Variants in MEI4 observed in about 807,000 individuals in gnomAD.
MEI4 encodes the protein meiotic double-stranded break formation protein 4, also known as meiosis-specific protein MEI4.
In MEI4, 27 loss-of-function variants were observed where a neutral mutation model predicts 31.4. The ratio of observed to expected loss-of-function variants is 0.86; its 90% CI spans 0.63 to 1.19. The LOEUF is 1.19. MEI4 is among the 50% of genes most tolerant of loss of function. The probability of loss-of-function intolerance (pLI) is 0.00; values close to 1 mark genes in which losing one functional copy is unlikely to be tolerated. For synonymous variants in MEI4, 122 were observed against 145.4 expected (o/e 0.84, Z 1.16); for missense variants, 329 against 398.9 (o/e 0.82, Z 1.49).
intron 4 of MEI4, among the ~76,000 whole-genome samples, chr6:77,832,024 A>C (rs1168699231): frequency 1.3e-5 from 2 of 152,032 alleles, no homozygotes; most frequent in Non-Finnish European, 2.9e-5. Flanking sequence ...AAAATATCCC[A>C]TTTATCCCCA....
intron 1 of MEI4, among the ~76,000 whole-genome samples, chr6:77,679,262 C>T (rs893118170): frequency 6.6e-6 from 1 of 152,176 alleles, no homozygotes; most frequent in Non-Finnish European, 1.5e-5. Context: ...CTCATGGACT[C>T]ACCCAGAACA....
intron 4 of MEI4, among the ~76,000 whole-genome samples, chr6:77,886,435 G>GTTTTT (rs751562893): frequency 1.4e-4 from 6 of 41,770 alleles, no homozygotes; most frequent in South Asian, 5.2e-4. Context: ...TTCCAGTTTT[G>GTTTTT]TTTTTTTTTT....
At chr6:77,893,909 C>T (rs75583244) in intron 4 of MEI4, among the ~76,000 whole-genome samples, 2,760 of 152,044 alleles carry the variant, frequency 0.018, 83 homozygotes, top group African/African-American at 0.063. Flanking sequence ...ACATATGAAC[C>T]TTCCTTAAAA....
intron 4 of MEI4, among the ~76,000 whole-genome samples, chr6:77,859,716 G>A (rs371038085): frequency 1.1e-4 from 16 of 152,062 alleles, no homozygotes; most frequent in East Asian, 5.8e-4. Flanking sequence ...GGGGCTACTC[G>A]TGCATATTAA....
chr6:77,697,121 A>G (rs1766069321), intron 2 of MEI4, among the ~76,000 whole-genome samples: 1 of 152,144 alleles, frequency 6.6e-6, no homozygotes, highest in African/African-American at 2.4e-5. Flanking sequence ...TATTCCCGTT[A>G]TCATTTTTTA....
intron 4 of MEI4, among the ~76,000 whole-genome samples, chr6:77,913,924 C>A (rs545814544): frequency 1.2e-4 from 18 of 151,404 alleles, no homozygotes; most frequent in Non-Finnish European, 2.2e-4. Flanking sequence ...GTCCCAGCTA[C>A]TCCAGAGGCT....
At chr6:77,864,668 T>A (rs931765360) in intron 4 of MEI4, among the ~76,000 whole-genome samples, 2 of 152,136 alleles carry the variant, frequency 1.3e-5, no homozygotes, top group Admixed American at 6.5e-5. Context: ...ATTAGACAGA[T>A]CAATGAGACA....
chr6:77,819,724 C>T (rs1024250401), intron 3 of MEI4, among the ~76,000 whole-genome samples: 1 of 151,904 alleles, frequency 6.6e-6, no homozygotes, highest in African/African-American at 2.4e-5. Context: ...TAATAAAGGC[C>T]TTTCTTTTTA....
rs144672794 is a variant in MEI4, at chr6:77,834,505, T to C, written c.900+5443T>C. ...TAATTTTGAGGCAGAGCTCCTTTTGTGGGGGCACTAGCTGCGGGGGGTCTG... is the reference window on the plus strand; with the variant it reads ...TAATTTTGAGGCAGAGCTCCTTTTGCGGGGGCACTAGCTGCGGGGGGTCTG... On this transcript the variant is annotated intron_variant, in intron 4 of 4. Coordinates refer to ENST00000684080, the MANE Select transcript of MEI4 (RefSeq NM_001322247.2). Among the ~76,000 whole-genome samples, 210 of 151,160 alleles carry C rather than the reference T, an allele frequency of 1.4e-3. 1 individual carries two copies. Among genetic ancestry groups the C allele is most frequent in the African/African-American group, 4.4e-3 (184 of 41,350 alleles).
intron 2 of MEI4, among the ~76,000 whole-genome samples, chr6:77,739,522 T>A (rs764043748): frequency 4.6e-5 from 7 of 151,936 alleles, no homozygotes; most frequent in African/African-American, 7.3e-5. Flanking sequence ...AGTTGAACAA[T>A]GAGAACCTGT....
At chr6:77,661,162 C>CT (rs1337130856) in intron 1 of MEI4, among the ~76,000 whole-genome samples, 1 of 152,098 alleles carries the variant, frequency 6.6e-6, no homozygotes, top group African/African-American at 2.4e-5. Flanking sequence ...CTGTCCAATC[C>CT]TTTTTAAGTT....
intron 2 of MEI4, among the ~76,000 whole-genome samples, chr6:77,735,788 A>G (rs544016414): frequency 3.9e-4 from 59 of 152,036 alleles, no homozygotes; most frequent in Non-Finnish European, 5.4e-4. Flanking sequence ...GTCTTTGATG[A>G]TGGTGACGTA....
At position 77,847,464 on chromosome 6, in the gene MEI4, G is replaced by A. The variant is rs151212663; in HGVS notation, c.900+18402G>A. On this transcript the variant is annotated intron_variant, in intron 4 of 4. Transcript: ENST00000684080. This position sits in a 1 kb window ranked among gnomAD's most constrained non-coding sequence, Gnocchi z 4.6. ...GAGGTCTATCAGTCACTGAAAAGAA[G>A]TCAGCAGAGTCATTTCAGTGTCATG... is the stretch of plus-strand genomic sequence containing the variant. Among the ~76,000 whole-genome samples, 100 of 152,240 alleles carry A rather than the reference G, an allele frequency of 6.6e-4. 2 individuals carry two copies. Among genetic ancestry groups the A allele is most frequent in the Middle Eastern group, 3.4e-3 (1 of 294 alleles).
chr6:77,804,991 G>A (rs1769390676), intron 3 of MEI4, among the ~76,000 whole-genome samples: 1 of 152,138 alleles, frequency 6.6e-6, no homozygotes, highest in African/African-American at 2.4e-5. Flanking sequence ...TTTGGCATAT[G>A]CCATTTTAAC....
At chr6:77,746,638 C>CGTGTGT (rs5877568) in intron 2 of MEI4, among the ~76,000 whole-genome samples, 1,672 of 136,626 alleles carry the variant, frequency 0.012, 5 homozygotes, top group East Asian at 0.019. Flanking sequence ...AAATATATGG[C>CGTGTGT]GTGTGTGTGT....
At chr6:77,665,118 G>A (rs993752379) in intron 1 of MEI4, among the ~76,000 whole-genome samples, 6 of 151,822 alleles carry the variant, frequency 4.0e-5, no homozygotes, top group African/African-American at 1.5e-4. Flanking sequence ...TTGGGGCGCA[G>A]AGATAAGAGG....
At chr6:77,892,274 C>G (rs546763828) in intron 4 of MEI4, among the ~76,000 whole-genome samples, 1 of 152,290 alleles carries the variant, frequency 6.6e-6, no homozygotes, top group African/African-American at 2.4e-5. Context: ...TTTCCTCAGG[C>G]TTCCCTGTTG....
At chr6:77,663,693 G>A (rs188861478) in intron 1 of MEI4, among the ~76,000 whole-genome samples, 3 of 152,300 alleles carry the variant, frequency 2.0e-5, no homozygotes, top group Admixed American at 1.3e-4. Context: ...AGAATGTAAT[G>A]TGGAGTGGGT....
chr6:77,922,109 G>A (rs369312078), intron 4 of MEI4, among the ~76,000 whole-genome samples: 15 of 151,768 alleles, frequency 9.9e-5, no homozygotes, highest in African/African-American at 2.9e-4. Context: ...AGGTATGCCT[G>A]TATATATCTT....
Sources: gnomAD v4.1 joint callset for allele counts (sites outside exome capture counted in the v4.1 genomes callset) on GRCh38, gnomAD v4.1.1 for gene constraint, Gnocchi (gnomAD v3.1) non-coding constraint, MANE v1.5 for transcripts, NCBI Gene and HGNC (gene_info 2026-07-23, HGNC 2026-07-21) for gene names.